The following DRC11 variants were observed in gnomAD, a reference collection of about 807,000 sequenced individuals.
DRC11 encodes the protein dynein regulatory complex subunit 11, also known as IQ and AAA domain-containing protein 1.
the DRC11 span, among the ~76,000 whole-genome samples, chr2:236,386,920 A>G: frequency 2.1e-5 from 3 of 142,536 alleles, no homozygotes; most frequent in African/African-American, 2.6e-5. Context: ...TTCGTTATGT[A>G]CCCAGTAGTC....
the DRC11 span, among the ~76,000 whole-genome samples, chr2:236,496,774 C>G: frequency 1.3e-5 from 2 of 152,148 alleles, no homozygotes; most frequent in Non-Finnish European, 2.9e-5. The surrounding 1 kb of genome is among the most constrained non-coding windows in gnomAD (Gnocchi z 6.3). Flanking sequence ...AACCTGTGAC[C>G]AACAGGCTAC....
the DRC11 span, among the ~76,000 whole-genome samples, chr2:236,452,421 C>T: frequency 1.8e-4 from 27 of 152,126 alleles, no homozygotes; most frequent in African/African-American, 5.3e-4. The surrounding 1 kb of genome is among the most constrained non-coding windows in gnomAD (Gnocchi z 4.7). Flanking sequence ...TCCAGCCGGT[C>T]CCCCCCAAGT....
the DRC11 span, among the ~76,000 whole-genome samples, chr2:236,506,819 G>A: frequency 6.6e-6 from 1 of 152,208 alleles, no homozygotes; most frequent in South Asian, 2.1e-4. This position sits in a 1 kb window ranked among gnomAD's most constrained non-coding sequence, Gnocchi z 4.9. Context: ...TCGAGTCTGT[G>A]AAAAGCAAAT....
the DRC11 span, among the ~76,000 whole-genome samples, chr2:236,460,128 A>G: frequency 6.6e-6 from 1 of 152,226 alleles, no homozygotes; most frequent in African/African-American, 2.4e-5. This position sits in a 1 kb window ranked among gnomAD's most constrained non-coding sequence, Gnocchi z 4.0. Context: ...AGTCAATCAG[A>G]TAAGTGTAAT....
the DRC11 span, among the ~76,000 whole-genome samples, chr2:236,349,709 A>C: frequency 6.6e-6 from 1 of 152,336 alleles, no homozygotes; most frequent in Middle Eastern, 3.4e-3. The surrounding 1 kb of genome is among the most constrained non-coding windows in gnomAD (Gnocchi z 5.5). Flanking sequence ...AACAGCAGGC[A>C]CTGGGGCCTC....
the DRC11 span, chr2:236,331,484 C>T: frequency 6.2e-7 from 1 of 1,613,992 alleles, no homozygotes; most frequent in East Asian, 2.2e-5. The surrounding 1 kb of genome is among the most constrained non-coding windows in gnomAD (Gnocchi z 4.8). Flanking sequence ...ACGCCTTTAA[C>T]CACTTCGACT....
At chr2:236,475,282 T>C in the DRC11 span, among the ~76,000 whole-genome samples, 2 of 152,214 alleles carry the variant, frequency 1.3e-5, no homozygotes, top group Non-Finnish European at 2.9e-5. The surrounding 1 kb of genome is among the most constrained non-coding windows in gnomAD (Gnocchi z 4.8). Flanking sequence ...TCCTGTTCCA[T>C]TCATGTCTGC....
the DRC11 span, among the ~76,000 whole-genome samples, chr2:236,357,001 T>TATTC: frequency 8.4e-4 from 54 of 64,418 alleles, 6 homozygotes; most frequent in Middle Eastern, 0.016. Flanking sequence ...TCTATATATT[T>TATTC]ATATATTCAT....
the DRC11 span, among the ~76,000 whole-genome samples, chr2:236,446,934 G>A: frequency 6.6e-6 from 1 of 151,762 alleles, no homozygotes; most frequent in Non-Finnish European, 1.5e-5. This position sits in a 1 kb window ranked among gnomAD's most constrained non-coding sequence, Gnocchi z 6.2. Flanking sequence ...TTGGGCCCTT[G>A]GCATCTCCCA....
At chr2:236,357,852 A>G in the DRC11 span, among the ~76,000 whole-genome samples, 1 of 125,688 alleles carries the variant, frequency 8.0e-6, no homozygotes, top group East Asian at 2.3e-4. Flanking sequence ...TGTAATATAT[A>G]AATATATACT....
chr2:236,471,266 T>C, the DRC11 span, among the ~76,000 whole-genome samples: 3 of 151,504 alleles, frequency 2.0e-5, no homozygotes, highest in Non-Finnish European at 4.4e-5. This position sits in a 1 kb window ranked among gnomAD's most constrained non-coding sequence, Gnocchi z 4.6. Context: ...TGTCTCTCTC[T>C]GCTGATAGGT....
the DRC11 span, among the ~76,000 whole-genome samples, chr2:236,393,782 G>A: frequency 5.9e-5 from 9 of 152,266 alleles, no homozygotes; most frequent in Middle Eastern, 6.8e-3. This position sits in a 1 kb window ranked among gnomAD's most constrained non-coding sequence, Gnocchi z 4.7. Flanking sequence ...CAATTGTCCC[G>A]AGGGTTTTGG....
chr2:236,375,047 T>C, the DRC11 span, among the ~76,000 whole-genome samples: 1 of 151,968 alleles, frequency 6.6e-6, no homozygotes, highest in East Asian at 1.9e-4. This position sits in a 1 kb window ranked among gnomAD's most constrained non-coding sequence, Gnocchi z 4.2. Context: ...CTCACTACCA[T>C]GAGGAAAGTC....
chr2:236,355,445 C>G, the DRC11 span, among the ~76,000 whole-genome samples: 8 of 152,240 alleles, frequency 5.3e-5, no homozygotes, highest in African/African-American at 1.9e-4. Context: ...GCTCCTCAGC[C>G]TGCAGCTGCG....
chr2:236,503,466 G>C, the DRC11 span, among the ~76,000 whole-genome samples: 1 of 152,192 alleles, frequency 6.6e-6, no homozygotes, highest in Non-Finnish European at 1.5e-5. The surrounding 1 kb of genome is among the most constrained non-coding windows in gnomAD (Gnocchi z 4.9). Flanking sequence ...TGGAATTTTT[G>C]GTCAAAGACA....
At chr2:236,475,144 C>T in the DRC11 span, among the ~76,000 whole-genome samples, 4 of 152,152 alleles carry the variant, frequency 2.6e-5, no homozygotes, top group Non-Finnish European at 1.5e-5. This position sits in a 1 kb window ranked among gnomAD's most constrained non-coding sequence, Gnocchi z 4.8. Context: ...ACCTGCCCTT[C>T]CAGTCCTCTG....
the DRC11 span, among the ~76,000 whole-genome samples, chr2:236,459,500 T>G: frequency 1.9e-5 from 2 of 103,094 alleles, no homozygotes. Context: ...TACGTATATA[T>G]GTATACGTAT....
At chr2:236,365,609 G>T in the DRC11 span, among the ~76,000 whole-genome samples, 2 of 152,098 alleles carry the variant, frequency 1.3e-5, no homozygotes, top group Admixed American at 6.5e-5. This position sits in a 1 kb window ranked among gnomAD's most constrained non-coding sequence, Gnocchi z 7.4. Flanking sequence ...GGGTTGGGAG[G>T]GGGCAGCAGG....
the DRC11 span, among the ~76,000 whole-genome samples, chr2:236,347,242 G>A: frequency 6.6e-6 from 1 of 152,022 alleles, no homozygotes; most frequent in Non-Finnish European, 1.5e-5. Flanking sequence ...TTATTTTTTG[G>A]CATGATCAGG....
Sources: gnomAD v4.1 joint callset for allele counts (sites outside exome capture counted in the v4.1 genomes callset) on GRCh38, gnomAD v4.1.1 for gene constraint, Gnocchi (gnomAD v3.1) non-coding constraint, MANE v1.5 for transcripts, NCBI Gene and HGNC (gene_info 2026-07-23, HGNC 2026-07-21) for gene names.